HACD2: variants seen among roughly 807,000 people sequenced by gnomAD.
HACD2 encodes the protein 3-hydroxyacyl-CoA dehydratase 2, also known as very-long-chain (3R)-3-hydroxyacyl-CoA dehydratase 2.
In HACD2, 15 loss-of-function variants were observed where a neutral mutation model predicts 31.0. The ratio of observed to expected loss-of-function variants is 0.48; its 90% confidence interval spans 0.32 to 0.75. The LOEUF (loss-of-function observed/expected upper bound fraction) is 0.75. HACD2 is among the 30% of genes least tolerant of loss of function. The probability of loss-of-function intolerance (pLI) is 0.03; values close to 1 mark genes in which losing one functional copy is unlikely to be tolerated. For synonymous variants in HACD2, 115 were observed against 122.2 expected, an observed-to-expected ratio of 0.94 and a Z score of 0.39; for missense variants, 283 against 313.0, an observed-to-expected ratio of 0.90 and a Z score of 0.72.
intron 2 of HACD2, among the ~76,000 whole-genome samples, chr3:123,573,016 T>G (rs1254516540): frequency 1.3e-5 from 2 of 152,142 alleles, no homozygotes; most frequent in Admixed American, 6.5e-5. Context: ...GGTCCAGCCT[T>G]GAGAACCAGA....
At chr3:123,562,656 T>C (rs982602855) in intron 3 of HACD2, among the ~76,000 whole-genome samples, 3 of 152,214 alleles carry the variant, frequency 2.0e-5, no homozygotes, top group African/African-American at 7.2e-5. Flanking sequence ...CAGCAATCTG[T>C]GAGGTAGGTA....
At chr3:123,579,248 C>T (rs140926993) in intron 2 of HACD2, among the ~76,000 whole-genome samples, 70 of 152,054 alleles carry the variant, frequency 4.6e-4, no homozygotes, top group African/African-American at 1.5e-3. Context: ...ATGTCCCTAC[C>T]TTCCATAAGA....
chr3:123,513,870 A>G (rs2056098912), intron 4 of HACD2, among the ~76,000 whole-genome samples: 2 of 152,202 alleles, frequency 1.3e-5, no homozygotes, highest in Non-Finnish European at 2.9e-5. Context: ...GGAGAGTTCT[A>G]TGCAGGTGAT....
chr3:123,545,180 TA>T (rs757483223), intron 3 of HACD2, among the ~76,000 whole-genome samples: 15 of 150,952 alleles, frequency 9.9e-5, no homozygotes, highest in East Asian at 3.9e-4. Context: ...TGTTACTTTA[TA>T]TTAGAAATAA....
intron 6 of HACD2, among the ~76,000 whole-genome samples, chr3:123,498,376 T>C (rs2055860632): frequency 6.6e-6 from 1 of 152,212 alleles, no homozygotes; most frequent in Non-Finnish European, 1.5e-5. Flanking sequence ...GAAAGCAGAC[T>C]TCTGTTGGGA....
At chr3:123,582,001 T>C (rs573982967) in intron 2 of HACD2, among the ~76,000 whole-genome samples, 2 of 152,250 alleles carry the variant, frequency 1.3e-5, no homozygotes, top group South Asian at 4.1e-4. Flanking sequence ...AAGTCGAATA[T>C]AAAATACATT....
chr3:123,502,734 G>C, intron 4 of HACD2, 53 bp from the exon 5 acceptor site: 1 of 1,549,112 alleles, frequency 6.5e-7, no homozygotes, highest in African/African-American at 1.4e-5. Flanking sequence ...CGTTAATGAA[G>C]ACAGTGTGCA....
chr3:123,584,017 A>T (rs539981332), intron 1 of HACD2, among the ~76,000 whole-genome samples: 83 of 152,364 alleles, frequency 5.4e-4, no homozygotes, highest in Non-Finnish European at 1.1e-3. Context: ...AAAAATATAT[A>T]ACTGTCTGAT....
intron 3 of HACD2, among the ~76,000 whole-genome samples, chr3:123,531,300 T>C (rs951846249): frequency 6.8e-6 from 1 of 146,514 alleles, no homozygotes; most frequent in Admixed American, 7.0e-5. Context: ...AAAAATGCCA[T>C]ACATAAATTA....
chr3:123,512,455 T>A (rs979376578), intron 4 of HACD2, among the ~76,000 whole-genome samples: 2 of 151,916 alleles, frequency 1.3e-5, no homozygotes, highest in Non-Finnish European at 2.9e-5. Flanking sequence ...GAGGACACAG[T>A]ATGGTGGCTG....
intron 3 of HACD2, among the ~76,000 whole-genome samples, chr3:123,545,467 G>T (rs1270255650): frequency 7.2e-6 from 1 of 138,492 alleles, no homozygotes; most frequent in African/African-American, 2.8e-5. Flanking sequence ...GGGCAACAGA[G>T]CGAGACTTAG....
intron 4 of HACD2, among the ~76,000 whole-genome samples, chr3:123,524,801 A>G (rs971973110): frequency 6.6e-6 from 1 of 151,972 alleles, no homozygotes; most frequent in African/African-American, 2.4e-5. Context: ...TCATGTTTTT[A>G]AAGGGTGAGA....
intron 3 of HACD2, among the ~76,000 whole-genome samples, chr3:123,562,387 T>G (rs1439055983): frequency 2.0e-5 from 3 of 152,074 alleles, no homozygotes; most frequent in African/African-American, 7.2e-5. Context: ...CAACCCCAAC[T>G]CATACTAAGA....
intron 4 of HACD2, among the ~76,000 whole-genome samples, chr3:123,519,139 A>C (rs1315232120): frequency 6.6e-6 from 1 of 152,164 alleles, no homozygotes; most frequent in African/African-American, 2.4e-5. Context: ...CCTAATAATT[A>C]GTTTTTCTGA....
chr3:123,562,779 T>G (rs2056748298), intron 3 of HACD2, among the ~76,000 whole-genome samples: 2 of 152,206 alleles, frequency 1.3e-5, no homozygotes, highest in African/African-American at 4.8e-5. Context: ...ATACTTTTCA[T>G]CAACAATATG....
intron 4 of HACD2, among the ~76,000 whole-genome samples, chr3:123,525,368 C>T (rs1268096295): frequency 6.6e-6 from 1 of 152,154 alleles, no homozygotes; most frequent in Non-Finnish European, 1.5e-5. Context: ...AGGTGTCACA[C>T]TAGCTGATGG....
chr3:123,551,823 T>C (rs1283523542), intron 3 of HACD2, among the ~76,000 whole-genome samples: 2 of 152,144 alleles, frequency 1.3e-5, no homozygotes, highest in Non-Finnish European at 2.9e-5. Context: ...ACCACCAACA[T>C]ATTTAACAAA....
At chr3:123,542,855 C>T (rs1190582163) in intron 3 of HACD2, among the ~76,000 whole-genome samples, 1 of 152,194 alleles carries the variant, frequency 6.6e-6, no homozygotes, top group Non-Finnish European at 1.5e-5. Flanking sequence ...TGAAGATGCT[C>T]CAACTGGCCA....
intron 3 of HACD2, among the ~76,000 whole-genome samples, chr3:123,554,827 G>A (rs2056657305): frequency 1.3e-5 from 2 of 150,056 alleles, no homozygotes; most frequent in Non-Finnish European, 2.9e-5. Flanking sequence ...GATAAAGTAA[G>A]ATTTAAGACA....
Sources: allele counts gnomAD v4.1 joint callset (sites outside exome capture counted in the v4.1 genomes callset), GRCh38; gene constraint gnomAD v4.1.1; transcripts MANE v1.5; gene names NCBI Gene and HGNC (gene_info 2026-07-23, HGNC 2026-07-21).